The following C1orf87 variants were observed in gnomAD, a reference collection of about 807,000 sequenced individuals.
The protein encoded by C1orf87 is uncharacterized protein C1orf87.
Under a neutral mutation model 60.5 loss-of-function variants are expected in C1orf87, and 58 were observed. The observed-to-expected ratio is 0.96, with a 90% CI of 0.78 to 1.19. The LOEUF (loss-of-function observed/expected upper bound fraction) is 1.19. Among genes scored for constraint, C1orf87 ranks in the 50% most tolerant of loss-of-function variants. The pLI is 0.00. For synonymous variants in C1orf87, 236 were observed against 227.4 expected (o/e 1.04, Z -0.34); for missense variants, 673 against 638.6 (o/e 1.05, Z -0.58).
rs72641119 is a variant in C1orf87, at chr1:60,029,935, G to A, written c.1029+3541C>T. ...ATTACAGATGTGAGCCACCATGCCC[G>A]GTCCCCCTGTCCCCGCATTCTTTGC... On this transcript the variant is annotated intron_variant, in intron 7 of 11. Transcript: ENST00000371201. Among the ~76,000 whole-genome samples the A allele has an allele frequency of 2.3e-3, 350 of 151,802 alleles. 8 individuals are homozygous for A. The East Asian group carries it at 0.054, about 23-fold the overall frequency.
chr1:60,001,570 T>A (rs146965812), intron 9 of C1orf87, among the ~76,000 whole-genome samples: 7 of 152,150 alleles, frequency 4.6e-5, no homozygotes, highest in African/African-American at 1.7e-4. Context: ...AGAGGAGTTA[T>A]CCAGGCAAAG....
At chr1:60,062,421 A>G (rs545180727) in intron 2 of C1orf87, among the ~76,000 whole-genome samples, 2 of 152,264 alleles carry the variant, frequency 1.3e-5, no homozygotes, top group South Asian at 2.1e-4. Context: ...AAGTACATAT[A>G]CTTTTAAGGC....
chr1:59,996,480 A>G (rs923388264), intron 11 of C1orf87, among the ~76,000 whole-genome samples: 1 of 152,148 alleles, frequency 6.6e-6, no homozygotes, highest in African/African-American at 2.4e-5. Flanking sequence ...CCGTGCTCTC[A>G]TTATCTTTGA....
At chr1:60,003,547 T>C (rs1335988342) in intron 9 of C1orf87, among the ~76,000 whole-genome samples, 1 of 152,112 alleles carries the variant, frequency 6.6e-6, no homozygotes, top group Non-Finnish European at 1.5e-5. Context: ...GAATGTTAAC[T>C]AATAGTGTTA....
intron 2 of C1orf87, among the ~76,000 whole-genome samples, chr1:60,061,804 A>AAAAAAGG (rs1645498722): frequency 6.8e-6 from 1 of 146,406 alleles, no homozygotes; most frequent in African/African-American, 2.5e-5. Context: ...AAAAAAAAAT[A>AAAAAAGG]GCTGGGCTTT....
chr1:60,063,922 C>G (rs938863708), intron 2 of C1orf87, among the ~76,000 whole-genome samples: 4 of 151,962 alleles, frequency 2.6e-5, no homozygotes, highest in African/African-American at 7.3e-5. Flanking sequence ...CTGGGTGTGT[C>G]TGTGAGGGTG....
chr1:60,003,514 C>A (rs1341014139), intron 9 of C1orf87, among the ~76,000 whole-genome samples: 1 of 151,912 alleles, frequency 6.6e-6, no homozygotes, highest in Non-Finnish European at 1.5e-5. Context: ...AAGCAAATAC[C>A]TGAAACACAG....
chr1:59,996,402 T>C (rs1644964056), intron 11 of C1orf87, among the ~76,000 whole-genome samples: 1 of 152,198 alleles, frequency 6.6e-6, no homozygotes, highest in African/African-American at 2.4e-5. Context: ...TCCTTCATTC[T>C]GCACATAGTC....
intron 3 of C1orf87, among the ~76,000 whole-genome samples, chr1:60,051,715 G>A (rs1645415946): frequency 6.6e-6 from 1 of 152,196 alleles, no homozygotes; most frequent in Non-Finnish European, 1.5e-5. Flanking sequence ...AGAAAAGTCA[G>A]TTTGAAGATG....
At chr1:60,030,565 A>G (rs535776560) in intron 7 of C1orf87, among the ~76,000 whole-genome samples, 1 of 152,228 alleles carries the variant, frequency 6.6e-6, no homozygotes, top group African/African-American at 2.4e-5. Flanking sequence ...TCTTCCTGGG[A>G]GGCAGGTTTG....
chr1:60,049,803 A>C (rs796570561), intron 3 of C1orf87, among the ~76,000 whole-genome samples: 6 of 152,278 alleles, frequency 3.9e-5, no homozygotes, highest in African/African-American at 1.4e-4. Flanking sequence ...TATGAGGAAT[A>C]GACCCAACTT....
chr1:59,990,750 C>G lies in C1orf87; in HGVS notation c.1564G>C (p.Asp522His), dbSNP rs779995131. 1.9e-6 allele frequency: 3 copies of G among 1,613,950 alleles called. No individual in the cohort carries two copies. The highest frequency in any genetic ancestry group is 2.5e-6 in the Non-Finnish European group (3 of 1,179,964). The change falls in exon 12 of 12, where the codon GAC becomes CAC. Residue 522 changes from aspartate to histidine, a missense_variant. Physicochemically the swap from Asp to His is moderately conservative, Grantham distance 81 (BLOSUM62 -1). Transcript: ENST00000371201. ...GAACGGAATCTGCGCAAGGCCTGGT[C>G]GATTTTCTGAGGGCTCAGGGACAGG... is the stretch of plus-strand genomic sequence containing the variant. ...YNLSLSPQKI[D>H]QALRRFRSGE...
At chr1:60,066,890 C>G (rs185398361) in intron 2 of C1orf87, among the ~76,000 whole-genome samples, 6 of 151,944 alleles carry the variant, frequency 3.9e-5, no homozygotes, top group African/African-American at 1.5e-4. Context: ...CATGTGTTTT[C>G]ATTGTTCACC....
At chr1:60,050,024 C>A (rs1249543221) in intron 3 of C1orf87, among the ~76,000 whole-genome samples, 1 of 152,076 alleles carries the variant, frequency 6.6e-6, no homozygotes, top group African/African-American at 2.4e-5. Context: ...GTTTTAATAT[C>A]TGGTAATGGT....
At chr1:60,044,277 G>A (rs1236480334) in intron 3 of C1orf87, among the ~76,000 whole-genome samples, 5 of 152,248 alleles carry the variant, frequency 3.3e-5, no homozygotes, top group East Asian at 1.9e-4. Context: ...TGATCTGCCC[G>A]CCTCGGCCTC....
At chr1:60,064,080 C>A (rs1032498523) in intron 2 of C1orf87, among the ~76,000 whole-genome samples, 3 of 151,582 alleles carry the variant, frequency 2.0e-5, no homozygotes, top group African/African-American at 7.3e-5. Flanking sequence ...CCTAGCCTCC[C>A]AGCCTACATC....
At chr1:60,045,881 A>G (rs1645363593) in intron 3 of C1orf87, among the ~76,000 whole-genome samples, 1 of 152,204 alleles carries the variant, frequency 6.6e-6, no homozygotes, top group Non-Finnish European at 1.5e-5. Flanking sequence ...ACTCTTTTTA[A>G]ATACACAATA....
At chr1:60,024,998 C>T (rs1175879886) in intron 8 of C1orf87, among the ~76,000 whole-genome samples, 1 of 152,138 alleles carries the variant, frequency 6.6e-6, no homozygotes, top group African/African-American at 2.4e-5. Flanking sequence ...CATAGAACTC[C>T]TACTCTAAAG....
chr1:60,021,733 A>G lies in C1orf87; in HGVS notation c.1127+3668T>C, dbSNP rs74085876. 5.5e-3 allele frequency among the ~76,000 whole-genome samples: 840 copies of G among 152,314 alleles called. 10 individuals carry two copies. The highest frequency in any genetic ancestry group is 0.019 in the African/African-American group (802 of 41,554). On this transcript the variant is annotated intron_variant, in intron 8 of 11. Transcript: ENST00000371201. ...ACTGTCTGTCAGGGAGATACAGATA[A>G]TAGCTATACAGATGATAAATCTGCA...
Sources: allele counts gnomAD v4.1 joint callset (sites outside exome capture counted in the v4.1 genomes callset), GRCh38; gene constraint gnomAD v4.1.1; transcripts MANE v1.5; gene names NCBI Gene and HGNC (gene_info 2026-07-23, HGNC 2026-07-21).